KCNT1: variants seen among roughly 807,000 people sequenced by gnomAD.
KCNT1 encodes potassium sodium-activated channel subfamily T member 1.
Under a neutral mutation model 147.8 loss-of-function variants are expected in KCNT1, and 78 were observed. The ratio of observed to expected loss-of-function variants is 0.53; its 90% CI spans 0.44 to 0.64. The LOEUF (loss-of-function observed/expected upper bound fraction) is 0.64. Ranked by LOEUF, KCNT1 falls within the 30% of genes least tolerant of loss-of-function variation. KCNT1 has a pLI of 0.00. For missense variants in KCNT1, 1,419 were observed against 1,750.3 expected (o/e 0.81, Z 3.38); for synonymous variants, 867 against 748.8 (o/e 1.16, Z -2.58).
intron 14 of KCNT1, 29 bp from the exon 15 acceptor site, chr9:135,768,800 C>G: frequency 6.3e-7 from 1 of 1,595,486 alleles, no homozygotes; most frequent in Non-Finnish European, 8.6e-7. Flanking sequence ...GCCAGCCCGT[C>G]TGCACTGACC....
At chr9:135,723,380 A>G (rs1325814918) in intron 2 of KCNT1, among the ~76,000 whole-genome samples, 1 of 152,194 alleles carries the variant, frequency 6.6e-6, no homozygotes, top group African/African-American at 2.4e-5. Flanking sequence ...TGGGGTCAAC[A>G]TGGAATGCCA....
At chr9:135,771,557 G>T (rs931234224) in intron 18 of KCNT1, among the ~76,000 whole-genome samples, 2 of 152,254 alleles carry the variant, frequency 1.3e-5, no homozygotes, top group African/African-American at 4.8e-5. Context: ...AGCCCGGAGG[G>T]TCTGCTTCAC....
At chr9:135,718,848 G>A (rs1835817460) in intron 2 of KCNT1, among the ~76,000 whole-genome samples, 1 of 152,236 alleles carries the variant, frequency 6.6e-6, no homozygotes. Flanking sequence ...CGTGGCCTTG[G>A]ACAGAGAAGA....
chr9:135,792,178 G>A lies in KCNT1; in HGVS notation c.*17G>A. Reference sequence around the variant, plus strand: ...CAGCTCTGAGCCAGCCCTGCACGGAGCTCAGGCCACCAAGCCCGGGGTCCT... The same window carrying A: ...CAGCTCTGAGCCAGCCCTGCACGGAACTCAGGCCACCAAGCCCGGGGTCCT... On this transcript the variant is annotated 3_prime_UTR_variant, in exon 31 of 31. Coordinates refer to ENST00000371757, the MANE Select transcript of KCNT1 (RefSeq NM_020822.3). The A allele has an allele frequency of 6.2e-7, 1 of 1,600,310 alleles. No individual in the cohort carries two copies. Among genetic ancestry groups the A allele is most frequent in the Non-Finnish European group, 8.5e-7 (1 of 1,177,166 alleles).
chr9:135,771,458 C>T (rs115080124), intron 18 of KCNT1, among the ~76,000 whole-genome samples: 104 of 152,348 alleles, frequency 6.8e-4, no homozygotes, highest in African/African-American at 2.5e-3. Flanking sequence ...CCTTTGTGGG[C>T]ATTGCTCACT....
chr9:135,758,675 G>A (rs1831683840), intron 10 of KCNT1, among the ~76,000 whole-genome samples, 167 bp downstream of exon 10: 1 of 152,242 alleles, frequency 6.6e-6, no homozygotes, highest in African/African-American at 2.4e-5. Flanking sequence ...CTGAGGTCAG[G>A]AGGCAGCTCC....
chr9:135,739,998 C>T (rs1403795280), intron 2 of KCNT1, among the ~76,000 whole-genome samples: 1 of 152,054 alleles, frequency 6.6e-6, no homozygotes, highest in East Asian at 1.9e-4. Context: ...AGGGCTGGTT[C>T]CTCCTGAGGC....
Position 135,778,289 on chromosome 9 carries a change from C to A in KCNT1, c.2523-135C>A, listed in dbSNP as rs1410230157. 9.7e-6 allele frequency: 7 copies of A among 725,162 alleles called. No individual in the cohort carries two copies. The East Asian group carries it at 1.9e-4, about 20-fold the overall frequency. 44.9% of individuals were successfully genotyped at this position (725,162 alleles called of 1,614,324 possible). A position where few individuals can be genotyped will look rare whatever the true frequency, so the allele number is the denominator to read the frequency against. ...TGGCCCACTGGCCTTAAAGTACTCC[C>A]CAGGTCCCATACGCTGCGGTTCTGG... On this transcript the variant is annotated intron_variant, in intron 21 of 30. Coordinates refer to ENST00000371757, the MANE Select transcript of KCNT1 (RefSeq NM_020822.3).
chr9:135,745,686 G>C (rs58443446), intron 2 of KCNT1, among the ~76,000 whole-genome samples: 4,258 of 152,344 alleles, frequency 0.028, 183 homozygotes, highest in African/African-American at 0.097. Flanking sequence ...CTCGGGACAC[G>C]CCGGGAGTTG....
At chr9:135,788,122 C>T (rs937387039) in intron 29 of KCNT1, 4 of 1,612,268 alleles carry the variant, frequency 2.5e-6, no homozygotes, top group Non-Finnish European at 3.4e-6. Context: ...ATTTAACAGC[C>T]AGTGATGTCA....
intron 2 of KCNT1, among the ~76,000 whole-genome samples, chr9:135,736,034 G>A (rs1044832563): frequency 2.6e-5 from 4 of 152,230 alleles, no homozygotes; most frequent in East Asian, 3.8e-4. Context: ...ATCTGTGCCC[G>A]GTGCCCAGCC....
chr9:135,750,613 T>G (rs894114964), intron 3 of KCNT1: 3 of 428,968 alleles, frequency 7.0e-6, no homozygotes, highest in African/African-American at 2.1e-5. Flanking sequence ...AGGTGAGGAC[T>G]TGGGGGGTTT....
Position 135,765,697 on chromosome 9 carries a change from G to A in KCNT1, c.1274G>A (p.Trp425Ter). 6.2e-7 allele frequency: 1 copy of A among 1,610,600 alleles called. No individual in the cohort carries two copies. Among genetic ancestry groups the A allele is most frequent in the South Asian group, 1.1e-5 (1 of 90,490 alleles). Residue 425 changes from tryptophan (W) to a stop codon, truncating the protein, a stop_gained, in exon 13 of 31, where the codon TGG (tryptophan) becomes TAG (stop). Coordinates refer to ENST00000371757, the MANE Select transcript of KCNT1 (RefSeq NM_020822.3). LOFTEE classifies it high-confidence loss of function. ...QVRRVLQIPL[W>*]SQRVIYLQGS... Reference sequence around the variant, plus strand: ...CGCAGAGTCCTGCAGATCCCTCTGTGGTCCCAGCGGGTCATCTACCTCCAG... The same window carrying A: ...CGCAGAGTCCTGCAGATCCCTCTGTAGTCCCAGCGGGTCATCTACCTCCAG...
Position 135,795,139 on chromosome 9 carries a change from T to G in KCNT1, c.*2978T>G, listed in dbSNP as rs1183089079. Reference sequence around the variant, plus strand: ...TTATTTTCCTTATACCTAATTCATCTAACAGAAAACTGGGCAGGGCGCAGT... The same window carrying G: ...TTATTTTCCTTATACCTAATTCATCGAACAGAAAACTGGGCAGGGCGCAGT... On this transcript the variant is annotated 3_prime_UTR_variant, in exon 31 of 31. Transcript: ENST00000371757. The G allele has an allele frequency of 6.6e-6, 1 of 152,196 alleles. No homozygotes were observed. Among genetic ancestry groups the G allele is most frequent in the East Asian group, 1.9e-4 (1 of 5,204 alleles). 9.4% of individuals were successfully genotyped at this position (152,196 alleles called of 1,614,324 possible).
Position 135,770,350 on chromosome 9 carries a change from G to A in KCNT1, c.1672G>A (p.Gly558Ser). The change falls in exon 17 of 31, where the codon GGC becomes AGC. Residue 558 changes from glycine (G) to serine (S), a missense_variant. Transcript: ENST00000371757. ...QWQRMYGRCS[G>S]NEVYHIRMGD... Reference sequence around the variant, plus strand: ...GCAGCGCATGTATGGGCGCTGCTCCGGCAACGAGGTGTACCACATCCGCAT... The same window carrying A: ...GCAGCGCATGTATGGGCGCTGCTCCAGCAACGAGGTGTACCACATCCGCAT... 5 of 1,612,832 alleles carry A rather than the reference G, an allele frequency of 3.1e-6. No homozygotes were observed. Among genetic ancestry groups the A allele is most frequent in the East Asian group, 4.5e-5 (2 of 44,868 alleles).
intron 2 of KCNT1, among the ~76,000 whole-genome samples, chr9:135,743,187 G>A (rs954841855): frequency 3.9e-5 from 6 of 151,984 alleles, no homozygotes; most frequent in African/African-American, 7.2e-5. Flanking sequence ...TGTGCCGGTC[G>A]AGCTCCCAGG....
chr9:135,774,391 TTGTGTGTCCGTGTGTGTGTGG>T (rs1832987701), intron 19 of KCNT1, among the ~76,000 whole-genome samples: 1 of 143,404 alleles, frequency 7.0e-6, no homozygotes, highest in South Asian at 2.3e-4. Context: ...GTTGCGTATG[TTGTGTGTCCGTGTGTGTGTGG>T]TGTGTGTCTG....
At chr9:135,769,892 G>A in intron 15 of KCNT1, 55 bp from the exon 16 acceptor site, 1 of 1,302,226 alleles carries the variant, frequency 7.7e-7, no homozygotes, top group Non-Finnish European at 1.1e-6. Context: ...GGTACTGTGG[G>A]GGAGGAGAGA....
intron 2 of KCNT1, among the ~76,000 whole-genome samples, chr9:135,731,958 GTGTATATA>G (rs1177558571): frequency 2.8e-5 from 1 of 35,544 alleles, no homozygotes; most frequent in African/African-American, 9.7e-5. Context: ...TCAAATATGC[GTGTATATA>G]TATATATATA....
Sources: gnomAD v4.1 joint callset for allele counts (sites outside exome capture counted in the v4.1 genomes callset) on GRCh38, gnomAD v4.1.1 for gene constraint, MANE v1.5 for transcripts, NCBI Gene and HGNC (gene_info 2026-07-23, HGNC 2026-07-21) for gene names.